The following RENBP variants were observed in gnomAD, a reference collection of about 807,000 sequenced individuals.
RENBP encodes N-acylglucosamine 2-epimerase.
Under a neutral mutation model 37.8 loss-of-function variants are expected in RENBP, and 16 were observed. That is an observed-to-expected ratio of 0.42 (90% CI 0.29 to 0.64). The LOEUF (loss-of-function observed/expected upper bound fraction) is 0.64. Among genes scored for constraint, RENBP ranks in the 30% least tolerant of loss-of-function variants. The pLI is 0.19. For missense variants in RENBP, 347 were observed against 379.5 expected (o/e 0.91, Z 0.71); for synonymous variants, 170 against 154.8 (o/e 1.10, Z -0.73).
chrX:153,935,434 G>T lies in RENBP; in HGVS notation c.1166-30C>A, dbSNP rs367723486. ...GGGTAGAGGCGGGCAGGTAGTGAGG[G>T]CCGGGGGCAGCCGAGAGGCGCAACC... On this transcript the variant is annotated intron_variant, in intron 10 of 10. Transcript: ENST00000393700. The T allele has an allele frequency of 2.3e-5, 26 of 1,140,737 alleles. No individual in the cohort carries two copies. In the African/African-American group the frequency reaches 4.1e-4, roughly 18 times the overall value. 94.0% of individuals were successfully genotyped at this position (1,140,737 alleles called of 1,213,427 possible). A position where few individuals can be genotyped will look rare whatever the true frequency, so the allele number is the denominator to read the frequency against.
intron 7 of RENBP, 22 bp downstream of exon 7, chrX:153,941,925 GCCC>G: frequency 8.5e-6 from 6 of 708,475 alleles, no homozygotes; most frequent in African/African-American, 2.1e-5. Context: ...CTCCTGGGTG[GCCC>G]CCAGCCCACC....
At position 153,935,389 on chromosome X, in the gene RENBP, G is replaced by A; in HGVS notation, c.1181C>T (p.Pro394Leu). The change falls in exon 11 of 11, where the codon CCG becomes CTG. Residue 394 changes from proline to leucine, a missense_variant. By Grantham distance (98) the Pro-to-Leu change is moderately conservative. Around this residue, in one of 3 missense-constraint regions of RENBP, gnomAD observed 91 missense variants for 67.7 expected, o/e 1.34. Transcript: ENST00000393700. ...GGPFKGCFHV[P>L]RCLAMCEEML... ...CTCCTCGCACATGGCTAGGCACCGC[G>A]GCACGTGGAAGCAGCCTGCGGGTAG... The A allele has an allele frequency of 1.7e-6, 2 of 1,150,654 alleles. No homozygotes were observed. Among genetic ancestry groups the A allele is most frequent in the Non-Finnish European group, 2.3e-6 (2 of 862,208 alleles). The allele number at this position is 1,150,654 out of a possible 1,213,427, so 94.8% of individuals were successfully genotyped here. A position where few individuals can be genotyped will look rare whatever the true frequency, so the allele number is the denominator to read the frequency against.
rs782778781 is a variant in RENBP, at chrX:153,943,050, G to A, written c.492C>T (p.Ile164=). ...QTEAVEMMDQ[I]VHWVQEDASG... ...ACGCGTCCTCCTGCACCCAGTGGACGATCTGATCCATCATCTCCACCGCTT... is the reference window on the plus strand; with the variant it reads ...ACGCGTCCTCCTGCACCCAGTGGACAATCTGATCCATCATCTCCACCGCTT... The change falls in exon 6 of 11, where the codon ATC becomes ATT. Residue 164 remains isoleucine (I), a synonymous_variant. Transcript: ENST00000393700. 5.9e-6 allele frequency: 7 copies of A among 1,185,090 alleles called. No individual in the cohort carries two copies. The Admixed American group carries it at 9.1e-5, about 15-fold the overall frequency.
rs1557109496 is a variant in RENBP, at chrX:153,941,492, A to G, written c.931T>C (p.Phe311Leu). 4.1e-6 allele frequency: 5 copies of G among 1,208,149 alleles called. No individual in the cohort carries two copies. Among genetic ancestry groups the G allele is most frequent in the Non-Finnish European group, 5.6e-6 (5 of 894,551 alleles). ...CGCTCTCCCACCTGGGTGGGGCAGA[A>G]GTTATCAGCATCCTGGAAGTAAAAG... ...GLFYFQDADN[F>L]CPTQLEWAMK... The change falls in exon 8 of 11, where the codon TTC becomes CTC. Residue 311 changes from phenylalanine to leucine, a missense_variant. Coordinates refer to ENST00000393700, the MANE Select transcript of RENBP (RefSeq NM_002910.6).
Position 153,940,368 on chromosome X carries a change from C to T in RENBP, c.946-135G>A, listed in dbSNP as rs975838872. 21 of 737,702 alleles carry T rather than the reference C, an allele frequency of 2.8e-5. No homozygotes were observed. In the East Asian group the frequency reaches 7.1e-4, roughly 25 times the overall value. 60.8% of individuals were successfully genotyped at this position (737,702 alleles called of 1,213,427 possible). ...TCTTTGGAAGTTCTGAAGGACCCCT[C>T]CCAGTGATATCAGCTTCCTGACCTG... On this transcript the variant is annotated intron_variant, in intron 8 of 10. Coordinates refer to ENST00000393700, the MANE Select transcript of RENBP (RefSeq NM_002910.6).
intron 9 of RENBP, among the ~76,000 whole-genome samples, 162 bp downstream of exon 9, chrX:153,939,940 G>C (rs1197548198): frequency 9.1e-6 from 1 of 109,978 alleles, no homozygotes; most frequent in Non-Finnish European, 1.9e-5. Flanking sequence ...AGCTCTAGGA[G>C]GGCAGAGGCT....
chrX:153,939,333 C>T (rs1257137744), intron 9 of RENBP, among the ~76,000 whole-genome samples: 2 of 112,062 alleles, frequency 1.8e-5, no homozygotes, highest in African/African-American at 6.5e-5. Context: ...GCGATCCTCC[C>T]GTCTCAGCCT....
chrX:153,942,546 G>A (rs2065231932), intron 6 of RENBP: 1 of 333,282 alleles, frequency 3.0e-6, no homozygotes, highest in Non-Finnish European at 5.2e-6. Flanking sequence ...CCGGGCCTAG[G>A]AAGATGTAAT....
At position 153,942,991 on chromosome X, in the gene RENBP, G is replaced by C; in HGVS notation, c.551C>G (p.Pro184Arg). 9.1e-6 allele frequency: 11 copies of C among 1,208,304 alleles called. No homozygotes were observed. Among genetic ancestry groups the C allele is most frequent in the Non-Finnish European group, 1.2e-5 (11 of 893,462 alleles). The change falls in exon 6 of 11, where the codon CCG (proline) becomes CGG (arginine). Residue 184 changes from proline to arginine, a missense_variant. This residue lies in a region of RENBP where 244 missense variants were observed against 279.4 expected (regional missense o/e 0.87). Transcript: ENST00000393700. Reference sequence around the variant, plus strand: ...GGGCACCGCCATGGGCTCCGCAGCCGGGGCCCCCTGGAGCTGGGGCCGGCC... The same window carrying C: ...GGGCACCGCCATGGGCTCCGCAGCCCGGGCCCCCTGGAGCTGGGGCCGGCC... ...GLGRPQLQGA[P>R]AAEPMAVPMM...
intron 9 of RENBP, among the ~76,000 whole-genome samples, chrX:153,937,490 G>A (rs1321050302): frequency 9.0e-6 from 1 of 110,795 alleles, no homozygotes; most frequent in Non-Finnish European, 1.9e-5. Context: ...CAGACTGGAT[G>A]GAGTGCAGTG....
intron 7 of RENBP, 90 bp downstream of exon 7, chrX:153,941,860 C>A: frequency 1.1e-6 from 1 of 896,618 alleles, no homozygotes; most frequent in Non-Finnish European, 1.6e-6. Context: ...TCAAGGCGCC[C>A]CCGCCAGGCA....
intron 9 of RENBP, among the ~76,000 whole-genome samples, chrX:153,938,870 T>C (rs781939164): frequency 7.2e-4 from 72 of 99,499 alleles, no homozygotes; most frequent in African/African-American, 2.7e-3. Flanking sequence ...CTCGGCTCAC[T>C]GCAACCTCTG....
At chrX:153,936,505 CAAAAA>C (rs782037368) in intron 9 of RENBP, among the ~76,000 whole-genome samples, 1 of 35,755 alleles carries the variant, frequency 2.8e-5, no homozygotes, top group African/African-American at 8.4e-5. Context: ...GACTCCGTCT[CAAAAA>C]AAAAAAAAAA....
rs782050130 is a variant in RENBP, at chrX:153,943,981, C to A, written c.214-11G>T. 1 of 1,204,588 alleles carries A rather than the reference C, an allele frequency of 8.3e-7. No homozygotes were observed. Among genetic ancestry groups the A allele is most frequent in the Non-Finnish European group, 1.1e-6 (1 of 891,523 alleles). On this transcript the variant is annotated splice_polypyrimidine_tract_variant and intron_variant, in intron 3 of 10. Coordinates refer to ENST00000393700, the MANE Select transcript of RENBP (RefSeq NM_002910.6). ...ACAATACATCCATACCTGCGGGGTA[C>A]GGGAGGGAAAGTGGCTTAAGTGGCC...
chrX:153,942,909 G>A lies in RENBP; in HGVS notation c.633C>T (p.Gly211=). 1 of 1,206,369 alleles carries A rather than the reference G, an allele frequency of 8.3e-7. No individual in the cohort carries two copies. Among genetic ancestry groups the A allele is most frequent in the Non-Finnish European group, 1.1e-6 (1 of 892,393 alleles). The change falls in exon 6 of 11, where the codon GGC becomes GGT. Residue 211 remains glycine, a synonymous_variant. Transcript: ENST00000393700. ...ACCAGTCCCCCAGCTCTGCGTATTT[G>A]CCCGCCAGCTCCTCATCTGCCTCCC... ...QLGEADEELA[G]KYAELGDWCA...
rs145822860 is a variant in RENBP, at chrX:153,942,718, C to T, written c.687+137G>A. 5,695 of 537,439 alleles carry T rather than the reference C, an allele frequency of 0.011. 232 individuals carry two copies. The African/African-American group carries it at 0.12, about 11-fold the overall frequency. 44.3% of individuals were successfully genotyped at this position (537,439 alleles called of 1,213,427 possible). A position where few individuals can be genotyped will look rare whatever the true frequency, so the allele number is the denominator to read the frequency against. ...CTGGGGCTCCGCATCCTCCCTCCAGCCCTCAGGCCCTCCACCTTCCCCAGG... is the reference window on the plus strand; with the variant it reads ...CTGGGGCTCCGCATCCTCCCTCCAGTCCTCAGGCCCTCCACCTTCCCCAGG... On this transcript the variant is annotated intron_variant, in intron 6 of 10. Transcript: ENST00000393700.
At chrX:153,939,030 G>T (rs1319483946) in intron 9 of RENBP, among the ~76,000 whole-genome samples, 1 of 109,786 alleles carries the variant, frequency 9.1e-6, no homozygotes, top group Non-Finnish European at 1.9e-5. Context: ...CTGACCTCAG[G>T]TGATCCACCT....
At chrX:153,943,991 A>G (rs1557110107) in intron 3 of RENBP, 21 bp from the exon 4 acceptor site, 1 of 1,204,401 alleles carries the variant, frequency 8.3e-7, no homozygotes, top group Non-Finnish European at 1.1e-6. Context: ...CGGGAGGGAA[A>G]GTGGCTTAAG....
At chrX:153,936,324 A>G (rs1557108541) in intron 9 of RENBP, among the ~76,000 whole-genome samples, 2 of 107,899 alleles carry the variant, frequency 1.9e-5, no homozygotes, top group South Asian at 4.1e-4. Flanking sequence ...TGGCTAACAC[A>G]GTGAAATCCC....
Sources: allele counts gnomAD v4.1 joint callset (sites outside exome capture counted in the v4.1 genomes callset), GRCh38; gene constraint gnomAD v4.1.1; regional missense constraint gnomAD v4.1.1; transcripts MANE v1.5; gene names NCBI Gene and HGNC (gene_info 2026-07-23, HGNC 2026-07-21).